The following RNF43 variants were observed in gnomAD, a reference collection of about 807,000 sequenced individuals.
The protein encoded by RNF43 is E3 ubiquitin-protein ligase RNF43.
Under a neutral mutation model 78.4 loss-of-function variants are expected in RNF43, and 37 were observed. That is an observed-to-expected ratio of 0.47 (90% CI 0.36 to 0.62). RNF43 has a LOEUF of 0.62. RNF43 is among the 20% of genes least tolerant of loss of function. The probability of loss-of-function intolerance (pLI) is 0.00; values close to 1 mark genes in which losing one functional copy is unlikely to be tolerated. For synonymous variants in RNF43, 347 were observed against 395.0 expected, an observed-to-expected ratio of 0.88 and a Z score of 1.44; for missense variants, 774 against 1,007.9, an observed-to-expected ratio of 0.77 and a Z score of 3.14.
In RNF43 at chr17:58,417,264, A is replaced by G. The variant is rs1974146162; in HGVS notation, c.-633T>C. 6.6e-6 allele frequency: 1 copy of G among 152,266 alleles called. No homozygotes were observed. Among genetic ancestry groups the G allele is most frequent in the Admixed American group, 6.5e-5 (1 of 15,290 alleles). 9.4% of individuals were successfully genotyped at this position (152,266 alleles called of 1,614,324 possible). A position where few individuals can be genotyped will look rare whatever the true frequency, so the allele number is the denominator to read the frequency against. ...TCCGGGATGAGAGATGCTGTCCCCT[A>G]GAACTAAATTAAACACTTACAGAAA... is the stretch of plus-strand genomic sequence containing the variant. On this transcript the variant is annotated 5_prime_UTR_variant, in exon 1 of 10. Transcript: ENST00000407977.
intron 2 of RNF43, among the ~76,000 whole-genome samples, chr17:58,392,883 C>T (rs927819577): frequency 1.3e-5 from 2 of 152,174 alleles, no homozygotes; most frequent in African/African-American, 4.8e-5. Context: ...GGGGCATAGG[C>T]CCTGGTGTTA....
rs34523089 is a variant in RNF43 at position 58,358,748 on chromosome 17, C to T, written c.1028G>A (p.Arg343His). 0.14 allele frequency: 218,849 copies of T among 1,559,776 alleles called. 16,979 individuals carry two copies. Among genetic ancestry groups the T allele is most frequent in the Middle Eastern group, 0.16 (979 of 5,976 alleles). The part of the protein sequence containing the change: ...QEPGRRLHLI[R>H]QHPGHAHYHL... ...GTAGTGGGCATGGCCGGGATGCTGG[C>T]GAATGAGGTGGAGTCTTCGACCTGG... The change falls in exon 9 of 10, where the codon CGC (arginine) becomes CAC (histidine). Residue 343 changes from arginine (R) to histidine (H), a missense_variant. Transcript: ENST00000407977. This position sits in a 1 kb window ranked among gnomAD's most constrained non-coding sequence, Gnocchi z 6.2.
chr17:58,396,526 G>C (rs973970514), intron 2 of RNF43, among the ~76,000 whole-genome samples: 7 of 152,118 alleles, frequency 4.6e-5, no homozygotes, highest in Non-Finnish European at 7.4e-5. Context: ...GGGGACTTGA[G>C]GGGGAAAAAA....
chr17:58,362,658 G>T lies in RNF43; in HGVS notation c.583-10C>A. On this transcript the variant is annotated splice_polypyrimidine_tract_variant and intron_variant, in intron 5 of 9. Coordinates refer to ENST00000407977, the MANE Select transcript of RNF43 (RefSeq NM_017763.6). ...ACACATCATAATCTGGCTGGGGAGT[G>T]AGCAGAGAGGGAAAGGGTCATACTT... The T allele has an allele frequency of 6.3e-7, 1 of 1,598,208 alleles. No individual in the cohort carries two copies. Among genetic ancestry groups the T allele is most frequent in the South Asian group, 1.1e-5 (1 of 89,684 alleles).
chr17:58,402,403 T>C (rs1383735340), intron 2 of RNF43, among the ~76,000 whole-genome samples: 1 of 152,252 alleles, frequency 6.6e-6, no homozygotes, highest in Non-Finnish European at 1.5e-5. Flanking sequence ...GCCCAAGGCA[T>C]AATTCTGCCT....
chr17:58,382,779 C>G (rs1973348775), intron 2 of RNF43, among the ~76,000 whole-genome samples: 2 of 152,316 alleles, frequency 1.3e-5, no homozygotes, highest in South Asian at 2.1e-4. Context: ...GCTCAATGCA[C>G]AGGGTCTTAA....
At chr17:58,391,761 C>T (rs1463516007) in intron 2 of RNF43, among the ~76,000 whole-genome samples, 5 of 152,028 alleles carry the variant, frequency 3.3e-5, no homozygotes, top group Admixed American at 6.6e-5. Context: ...ATAGAGATGC[C>T]GACACAAAAG....
At chr17:58,378,630 G>A (rs1239109915) in intron 2 of RNF43, among the ~76,000 whole-genome samples, 1 of 152,192 alleles carries the variant, frequency 6.6e-6, no homozygotes, top group Admixed American at 6.5e-5. Context: ...TAATGTTGGT[G>A]GGGAGGGAGA....
In RNF43 at chr17:58,415,692, C is replaced by T; in HGVS notation, c.-115G>A. On this transcript the variant is annotated 5_prime_UTR_variant, in exon 2 of 10. Coordinates refer to ENST00000407977, the MANE Select transcript of RNF43 (RefSeq NM_017763.6). ...GAAAAGAACATTTATGCTTCCGTTT[C>T]AGAAAGCCAAGTCGTAGTTTTGGCC... 1.6e-6 allele frequency: 2 copies of T among 1,277,574 alleles called. No homozygotes were observed. Among genetic ancestry groups the T allele is most frequent in the Non-Finnish European group, 2.1e-6 (2 of 938,540 alleles). 79.1% of individuals were successfully genotyped at this position (1,277,574 alleles called of 1,614,324 possible). A position where few individuals can be genotyped will look rare whatever the true frequency, so the allele number is the denominator to read the frequency against.
At chr17:58,400,171 G>A (rs1012088164) in intron 2 of RNF43, among the ~76,000 whole-genome samples, 1 of 152,168 alleles carries the variant, frequency 6.6e-6, no homozygotes, top group African/African-American at 2.4e-5. Context: ...CGTACCACAA[G>A]TAACAGGTAT....
chr17:58,415,291 A>G (rs1281127122), intron 2 of RNF43, 35 bp downstream of exon 2: 1 of 1,609,334 alleles, frequency 6.2e-7, no homozygotes, highest in Non-Finnish European at 8.5e-7. Context: ...TATTTCAAAC[A>G]GATGGAAAGT....
intron 2 of RNF43, among the ~76,000 whole-genome samples, chr17:58,379,681 GGT>G (rs1681087201): frequency 6.6e-6 from 1 of 152,160 alleles, no homozygotes. Flanking sequence ...ATCTTTCTAT[GGT>G]GATTCACAGG....
intron 6 of RNF43, among the ~76,000 whole-genome samples, chr17:58,361,938 T>C (rs183649768): frequency 1.1e-3 from 160 of 152,242 alleles, no homozygotes; most frequent in Admixed American, 4.6e-3. Flanking sequence ...ACCCTGTTAA[T>C]TTTTACTAAA....
At chr17:58,373,504 T>C (rs2143528752) in intron 2 of RNF43, among the ~76,000 whole-genome samples, 1 of 152,356 alleles carries the variant, frequency 6.6e-6, no homozygotes, top group South Asian at 2.1e-4. Flanking sequence ...GTAGGTGTTA[T>C]AGCCATTTTT....
At chr17:58,366,810 T>TATA (rs1972962615) in intron 3 of RNF43, among the ~76,000 whole-genome samples, 1 of 152,116 alleles carries the variant, frequency 6.6e-6, no homozygotes, top group African/African-American at 2.4e-5. Context: ...TAGTTATTAT[T>TATA]ATATCAACTA....
downstream of RNF43, chr17:58,353,246 A>C (rs765853185): frequency 2.3e-5 from 5 of 218,908 alleles, no homozygotes; most frequent in Non-Finnish European, 4.6e-5. Flanking sequence ...ACAGGTTTGG[A>C]TGTTTTCTAT....
At chr17:58,382,835 C>T (rs1973350725) in intron 2 of RNF43, among the ~76,000 whole-genome samples, 1 of 152,210 alleles carries the variant, frequency 6.6e-6, no homozygotes. Context: ...GCACAGAGCA[C>T]AGCACATAAA....
intron 9 of RNF43, among the ~76,000 whole-genome samples, chr17:58,356,087 G>A (rs10515157): frequency 0.17 from 25,789 of 152,120 alleles, 2,221 homozygotes; most frequent in East Asian, 0.2. Context: ...AATAGGGTCC[G>A]AATGGAATCA....
intron 6 of RNF43, among the ~76,000 whole-genome samples, 181 bp from the exon 7 acceptor site, chr17:58,361,125 C>T (rs534721867): frequency 1.3e-5 from 2 of 152,352 alleles, no homozygotes; most frequent in Admixed American, 6.5e-5. Flanking sequence ...CTCTCCCAGT[C>T]CACCCACCTG....
Sources: gnomAD v4.1 joint callset for allele counts (sites outside exome capture counted in the v4.1 genomes callset) on GRCh38, gnomAD v4.1.1 for gene constraint, Gnocchi (gnomAD v3.1) non-coding constraint, MANE v1.5 for transcripts, NCBI Gene and HGNC (gene_info 2026-07-23, HGNC 2026-07-21) for gene names.